ZNF385B: variants seen among roughly 807,000 people sequenced by gnomAD.
ZNF385B encodes zinc finger protein 385B, also known as zinc finger protein 533.
In ZNF385B, 23 loss-of-function variants were observed where a neutral mutation model predicts 39.2. That is an observed-to-expected ratio of 0.59 (90% CI 0.42 to 0.83). ZNF385B has a LOEUF of 0.83. Among genes scored for constraint, ZNF385B ranks in the 40% least tolerant of loss-of-function variants. ZNF385B has a pLI of 0.00. For missense variants in ZNF385B, 552 were observed against 598.9 expected, an observed-to-expected ratio of 0.92 and a Z score of 0.82; for synonymous variants, 205 against 222.6, an observed-to-expected ratio of 0.92 and a Z score of 0.70.
chr2:179,540,950 T>G (rs910834168), intron 4 of ZNF385B, among the ~76,000 whole-genome samples: 1 of 152,116 alleles, frequency 6.6e-6, no homozygotes, highest in Non-Finnish European at 1.5e-5. Flanking sequence ...AAATGAGCAT[T>G]AGTGGGTAGC....
chr2:179,530,808 T>G (rs1342693146), intron 4 of ZNF385B, among the ~76,000 whole-genome samples: 1 of 152,220 alleles, frequency 6.6e-6, no homozygotes, highest in East Asian at 1.9e-4. Context: ...AATATGACAA[T>G]TGAGCACTAG....
At chr2:179,843,029 T>C (rs921039378) in intron 1 of ZNF385B, among the ~76,000 whole-genome samples, 2 of 152,162 alleles carry the variant, frequency 1.3e-5, no homozygotes, top group African/African-American at 4.8e-5. Context: ...TGCCACAGCA[T>C]TGAGGGTGCT....
At chr2:179,710,903 C>A (rs1296830502) in intron 3 of ZNF385B, among the ~76,000 whole-genome samples, 6 of 152,184 alleles carry the variant, frequency 3.9e-5, no homozygotes, top group African/African-American at 1.4e-4. Context: ...AGTATAATGA[C>A]CCTCATCTAT....
intron 1 of ZNF385B, among the ~76,000 whole-genome samples, chr2:179,832,088 T>C (rs1040128720): frequency 1.3e-5 from 2 of 152,190 alleles, no homozygotes; most frequent in Non-Finnish European, 2.9e-5. Flanking sequence ...CAAGTCTCAG[T>C]AGCAAGCACA....
At chr2:179,769,379 GA>G in intron 3 of ZNF385B, 123 bp downstream of exon 3, 1 of 1,409,056 alleles carries the variant, frequency 7.1e-7, no homozygotes, top group Non-Finnish European at 9.5e-7. Context: ...GTAGGAGAAA[GA>G]GTACATGTTA....
chr2:179,480,146 A>G (rs910870957), intron 6 of ZNF385B, among the ~76,000 whole-genome samples: 2 of 152,214 alleles, frequency 1.3e-5, no homozygotes, highest in African/African-American at 4.8e-5. Context: ...TCATTTAAAT[A>G]TCTGAGAATC....
intron 3 of ZNF385B, among the ~76,000 whole-genome samples, chr2:179,556,678 T>A (rs1456378783): frequency 6.7e-6 from 1 of 149,350 alleles, no homozygotes; most frequent in East Asian, 1.9e-4. Context: ...GGTCCTGAGC[T>A]ACATTTGCCT....
At position 179,481,512 on chromosome 2, in the gene ZNF385B, G is replaced by A. The variant is rs191020531; in HGVS notation, c.715+1760C>T. ...ATTTCTGATTTTGACACTATTTTCT[G>A]CTTATTACTTTTACTATTATCCCTA... is the stretch of plus-strand genomic sequence containing the variant. On this transcript the variant is annotated intron_variant, in intron 6 of 9. Coordinates refer to ENST00000410066, the MANE Select transcript of ZNF385B (RefSeq NM_152520.6). Among the ~76,000 whole-genome samples, 8 of 150,004 alleles carry A rather than the reference G, an allele frequency of 5.3e-5. No homozygotes were observed. The Admixed American group carries it at 5.3e-4, about 10-fold the overall frequency.
chr2:179,501,560 A>G (rs2056762843), intron 5 of ZNF385B, among the ~76,000 whole-genome samples: 1 of 152,162 alleles, frequency 6.6e-6, no homozygotes, highest in Non-Finnish European at 1.5e-5. Context: ...AGAGAGTAGA[A>G]GGATGGTTAC....
chr2:179,778,537 T>A (rs1488704602), intron 1 of ZNF385B, among the ~76,000 whole-genome samples: 1 of 152,208 alleles, frequency 6.6e-6, no homozygotes, highest in Non-Finnish European at 1.5e-5. Context: ...ATCAAAGAAG[T>A]AATATTTTCA....
intron 1 of ZNF385B, among the ~76,000 whole-genome samples, chr2:179,799,627 G>A (rs180792499): frequency 2.2e-4 from 33 of 152,108 alleles, no homozygotes; most frequent in Admixed American, 2.0e-3. Flanking sequence ...AATGACTTTA[G>A]GCAAGTCATT....
intron 4 of ZNF385B, among the ~76,000 whole-genome samples, chr2:179,543,659 T>C (rs1232654650): frequency 6.6e-6 from 1 of 152,030 alleles, no homozygotes; most frequent in African/African-American, 2.4e-5. Context: ...TGCTCGCCTT[T>C]TGTAACTTTT....
intron 6 of ZNF385B, among the ~76,000 whole-genome samples, chr2:179,459,821 C>T (rs79568324): frequency 0.11 from 16,335 of 150,688 alleles, 1,128 homozygotes; most frequent in East Asian, 0.32. Flanking sequence ...ATATATATAG[C>T]GGCCAGGCGT....
chr2:179,850,077 G>T (rs752635830), intron 1 of ZNF385B, among the ~76,000 whole-genome samples: 3 of 152,180 alleles, frequency 2.0e-5, no homozygotes, highest in Admixed American at 1.3e-4. Context: ...CATATAGTAG[G>T]TGTTTAATAA....
chr2:179,492,611 T>C (rs764491609), intron 5 of ZNF385B, among the ~76,000 whole-genome samples: 3 of 152,138 alleles, frequency 2.0e-5, no homozygotes, highest in Non-Finnish European at 2.9e-5. Context: ...GCTCAGAGAA[T>C]TGGTTGACAA....
At chr2:179,744,745 A>T (rs1702280720) in intron 3 of ZNF385B, among the ~76,000 whole-genome samples, 1 of 152,168 alleles carries the variant, frequency 6.6e-6, no homozygotes, top group Non-Finnish European at 1.5e-5. Context: ...AGCTGCTTCC[A>T]ATCAAAGAAA....
At chr2:179,754,624 C>A (rs374991532) in intron 3 of ZNF385B, among the ~76,000 whole-genome samples, 626 of 152,184 alleles carry the variant, frequency 4.1e-3, no homozygotes, top group Middle Eastern at 0.014. Flanking sequence ...TTATTGGTCT[C>A]TTCAGAGATT....
chr2:179,707,003 C>A (rs1699649882), intron 3 of ZNF385B, among the ~76,000 whole-genome samples: 1 of 152,120 alleles, frequency 6.6e-6, no homozygotes, highest in Non-Finnish European at 1.5e-5. Flanking sequence ...CTGGGACCCC[C>A]ATGATGTGCT....
intron 3 of ZNF385B, among the ~76,000 whole-genome samples, chr2:179,577,966 A>G (rs947198705): frequency 6.6e-6 from 1 of 152,088 alleles, no homozygotes; most frequent in Non-Finnish European, 1.5e-5. Flanking sequence ...CTTCCTTCAC[A>G]ATTACTTATT....
Sources: gnomAD v4.1 joint callset for allele counts (sites outside exome capture counted in the v4.1 genomes callset) on GRCh38, gnomAD v4.1.1 for gene constraint, MANE v1.5 for transcripts, NCBI Gene and HGNC (gene_info 2026-07-23, HGNC 2026-07-21) for gene names.